STK3: variants seen among roughly 807,000 people sequenced by gnomAD.
The protein encoded by STK3 is serine/threonine kinase 3.
Under a neutral mutation model 58.0 loss-of-function variants are expected in STK3, and 41 were observed. The observed-to-expected ratio is 0.71, with a 90% confidence interval of 0.55 to 0.92. The LOEUF (loss-of-function observed/expected upper bound fraction) is 0.92. STK3 is among the 40% of genes least tolerant of loss of function. The pLI is 0.00. For synonymous variants in STK3, 170 were observed against 191.0 expected, an observed-to-expected ratio of 0.89 and a Z score of 0.91; for missense variants, 479 against 602.7, an observed-to-expected ratio of 0.79 and a Z score of 2.15.
intron 10 of STK3, among the ~76,000 whole-genome samples, chr8:98,484,069 T>A (rs1247192024): frequency 6.6e-6 from 1 of 152,288 alleles, no homozygotes. Flanking sequence ...TCCCAACACA[T>A]GTGCCACCAT....
rs941938719 is a variant in STK3, at chr8:98,919,740, A to G, written c.-79+22638T>C. 2.9e-4 allele frequency among the ~76,000 whole-genome samples: 44 copies of G among 152,230 alleles called. 1 individual carries two copies. Among genetic ancestry groups the G allele is most frequent in the Middle Eastern group, 3.2e-3 (1 of 316 alleles). Reference sequence around the variant, plus strand: ...AGATGGGTACATGAGTGTTCATTATACTATTGGATTTACTTTGTATATGTT... The same window carrying G: ...AGATGGGTACATGAGTGTTCATTATGCTATTGGATTTACTTTGTATATGTT... On this transcript the variant is annotated intron_variant, in intron 1 of 1. Transcript: ENST00000519420.
chr8:98,513,945 C>T (rs1824722604), intron 10 of STK3, among the ~76,000 whole-genome samples: 1 of 152,170 alleles, frequency 6.6e-6, no homozygotes, highest in Non-Finnish European at 1.5e-5. Flanking sequence ...ATAAAGCTAT[C>T]ATCCCAAGAA....
intron 6 of STK3, among the ~76,000 whole-genome samples, chr8:98,665,673 G>A (rs1208027012): frequency 1.3e-5 from 2 of 150,510 alleles, no homozygotes; most frequent in African/African-American, 4.9e-5. Context: ...GTGATTACAG[G>A]CATGAGCCAC....
At chr8:98,938,211 C>T (rs1054660119) in intron 1 of STK3, among the ~76,000 whole-genome samples, 6 of 151,576 alleles carry the variant, frequency 4.0e-5, no homozygotes, top group Non-Finnish European at 5.9e-5. Flanking sequence ...TCCAGTTAGA[C>T]GGGATTTTGG....
At chr8:98,436,141 C>G (rs933411533) in intron 2 of STK3, among the ~76,000 whole-genome samples, 1 of 152,154 alleles carries the variant, frequency 6.6e-6, no homozygotes, top group Non-Finnish European at 1.5e-5. Flanking sequence ...CTGGGAACTC[C>G]CTCCTTTGTG....
intron 7 of STK3, among the ~76,000 whole-genome samples, chr8:98,584,102 T>C (rs1319494127): frequency 6.6e-6 from 1 of 152,078 alleles, no homozygotes. Flanking sequence ...AGTTTTTTTT[T>C]CTTTTATTAT....
At position 98,757,785 on chromosome 8, in the gene STK3, T is replaced by G. The variant is rs183677581; in HGVS notation, c.237-8395A>C. Among the ~76,000 whole-genome samples the G allele has an allele frequency of 2.2e-4, 34 of 151,162 alleles. No individual in the cohort carries two copies. In the East Asian group the frequency reaches 6.6e-3, roughly 30 times the overall value. ...TACTAGCAGAAGCTAGGGAGAAAAA[T>G]GGAAAAACATTAGACTAGTGACAAA... On this transcript the variant is annotated intron_variant, in intron 3 of 10. Transcript: ENST00000419617.
At chr8:98,713,332 T>G (rs1587391852) in intron 4 of STK3, among the ~76,000 whole-genome samples, 1 of 152,028 alleles carries the variant, frequency 6.6e-6, no homozygotes, top group Non-Finnish European at 1.5e-5. Flanking sequence ...TTCAAAAAAT[T>G]AATGAATCTA....
intron 3 of STK3, among the ~76,000 whole-genome samples, chr8:98,857,084 G>A (rs1836712386): frequency 6.6e-6 from 1 of 152,170 alleles, no homozygotes; most frequent in African/African-American, 2.4e-5. Context: ...AGAGCAGATA[G>A]CTAAAGAATA....
chr8:98,816,516 A>G (rs969571697), intron 1 of STK3, among the ~76,000 whole-genome samples: 3 of 151,442 alleles, frequency 2.0e-5, no homozygotes, highest in African/African-American at 7.3e-5. Context: ...GTCTCAAAAA[A>G]CAAACAAACA....
chr8:98,526,555 T>C lies in STK3; in HGVS notation c.1317+187A>G, dbSNP rs1249204274. ...AAAAAAGTATTTCTCTGCAAGTACA[T>C]TTCTATAAGCAAGCTACAGTTTCAC... On this transcript the variant is annotated intron_variant, in intron 10 of 10. Transcript: ENST00000419617. 5 of 417,456 alleles carry C rather than the reference T, an allele frequency of 1.2e-5. No individual in the cohort carries two copies. In the Admixed American group the frequency reaches 1.4e-4, roughly 11 times the overall value. 25.9% of individuals were successfully genotyped at this position (417,456 alleles called of 1,614,324 possible).
intron 1 of STK3, chr8:98,782,594 A>T: frequency 3.6e-6 from 1 of 281,518 alleles, no homozygotes; most frequent in Non-Finnish European, 7.2e-6. Flanking sequence ...AGAGAGCATC[A>T]AGACTTTGTC....
At chr8:98,598,267 A>C in intron 6 of STK3, 1 of 985,364 alleles carries the variant, frequency 1.0e-6, no homozygotes, top group Non-Finnish European at 1.2e-6. Flanking sequence ...CTTAACATAT[A>C]AGGCTCACCT....
In STK3 at chr8:98,558,726, A is replaced by G. The variant is rs1811786039; in HGVS notation, c.949-10565T>C. ...CTCATTCCTTTTCTCTTCCATTATG[A>G]TAGTATTTTTAAGAGTTAGCAGAAA... On this transcript the variant is annotated intron_variant, in intron 8 of 10. Coordinates refer to ENST00000419617, the MANE Select transcript of STK3 (RefSeq NM_006281.4). Among the ~76,000 whole-genome samples, 3 of 151,636 alleles carry G rather than the reference A, an allele frequency of 2.0e-5. No homozygotes were observed. In the South Asian group the frequency reaches 6.3e-4, roughly 32 times the overall value.
chr8:98,617,809 T>C (rs545118113), intron 6 of STK3, among the ~76,000 whole-genome samples: 3,282 of 152,048 alleles, frequency 0.022, 63 homozygotes, highest in Middle Eastern at 0.075. Flanking sequence ...GCTGAAATTG[T>C]GGCAATAATC....
chr8:98,919,676 G>A (rs1442736238), intron 1 of STK3, among the ~76,000 whole-genome samples: 1 of 152,184 alleles, frequency 6.6e-6, no homozygotes, highest in African/African-American at 2.4e-5. Flanking sequence ...TAATGCAATG[G>A]AAGAGTGGAG....
rs529402475 is a variant in STK3 at position 98,580,691 on chromosome 8, T to C, written c.823-902A>G. Among the ~76,000 whole-genome samples, 8 of 152,318 alleles carry C rather than the reference T, an allele frequency of 5.3e-5. No individual in the cohort carries two copies. The East Asian group carries it at 7.7e-4, about 15-fold the overall frequency. On this transcript the variant is annotated intron_variant, in intron 7 of 10. Transcript: ENST00000419617. ...ACAATGGTGCAATCATGGCTCACTA[T>C]AGTCTTGACCTCCTGGGCTCAAGTG...
At chr8:98,727,701 A>G (rs1827881261) in intron 4 of STK3, among the ~76,000 whole-genome samples, 1 of 152,234 alleles carries the variant, frequency 6.6e-6, no homozygotes, top group Non-Finnish European at 1.5e-5. Flanking sequence ...GGCGGAAAGA[A>G]AAGTAGAATA....
Position 98,893,421 on chromosome 8 carries a change from GGAAAGAAAGAAAGAAAGAAA to G in STK3, c.-78-9607_-78-9588del, listed in dbSNP as rs1230218579. 3.8e-3 allele frequency among the ~76,000 whole-genome samples: 228 copies of G among 60,474 alleles called. 3 individuals are homozygous for G. Among genetic ancestry groups the G allele is most frequent in the African/African-American group, 6.7e-3 (107 of 15,910 alleles). 39.7% of individuals were successfully genotyped at this position (60,474 alleles called of 152,430 possible). A position where few individuals can be genotyped will look rare whatever the true frequency, so the allele number is the denominator to read the frequency against. ...AAGAAAGAAAGAAGGAAGGAAGGAA[GGAAAGAAAGAAAGAAAGAAA>G]GAAAGAAAGAAAGAAAGAAAGAAAG... is the stretch of plus-strand genomic sequence containing the variant. On this transcript the variant is annotated intron_variant, in intron 1 of 1. Coordinates refer to the STK3 transcript ENST00000519420.
Sources: allele counts gnomAD v4.1 joint callset (sites outside exome capture counted in the v4.1 genomes callset), GRCh38; gene constraint gnomAD v4.1.1; transcripts MANE v1.5; gene names NCBI Gene and HGNC (gene_info 2026-07-23, HGNC 2026-07-21).